GAS2: variants seen among roughly 807,000 people sequenced by gnomAD.
GAS2 encodes growth arrest-specific protein 2.
A neutral mutation model predicts 37.5 loss-of-function variants in GAS2; 20 were observed. The observed-to-expected ratio is 0.53, with a 90% confidence interval of 0.37 to 0.77. GAS2 has a LOEUF of 0.77. GAS2 is among the 30% of genes least tolerant of loss of function. The pLI is 0.00. For synonymous variants in GAS2, 144 were observed against 132.2 expected (o/e 1.09, Z -0.61); for missense variants, 336 against 373.4 (o/e 0.90, Z 0.82).
intron 7 of GAS2, among the ~76,000 whole-genome samples, chr11:22,805,359 T>A (rs1856836720): frequency 6.6e-6 from 1 of 152,170 alleles, no homozygotes; most frequent in Non-Finnish European, 1.5e-5. Flanking sequence ...TAGTTATCAT[T>A]TTTGTGGCAA....
At chr11:22,733,669 T>A (rs1852598247) in intron 4 of GAS2, among the ~76,000 whole-genome samples, 1 of 151,750 alleles carries the variant, frequency 6.6e-6, no homozygotes, top group Non-Finnish European at 1.5e-5. Flanking sequence ...CATGAGATTT[T>A]TTTTAATAGA....
intron 1 of GAS2, among the ~76,000 whole-genome samples, chr11:22,637,699 TATAA>T (rs982391119): frequency 7.1e-6 from 1 of 140,976 alleles, no homozygotes; most frequent in African/African-American, 2.6e-5. Context: ...AATAATATAA[TATAA>T]ATATATAATC....
intron 7 of GAS2, among the ~76,000 whole-genome samples, chr11:22,771,643 G>A (rs1278591626): frequency 6.6e-6 from 1 of 152,130 alleles, no homozygotes; most frequent in Non-Finnish European, 1.5e-5. Context: ...AGAAAGCACA[G>A]CTTACTTAAG....
rs201623098 is a variant in GAS2 at position 22,805,093 on chromosome 11, A to AT, written c.724-6693dup. On this transcript the variant is annotated intron_variant, in intron 7 of 7. Coordinates refer to ENST00000454584, the MANE Select transcript of GAS2 (RefSeq NM_001143830.3). ...TTATGGAGATGGAGGTGAGTGTTCA[A>AT]TTTTTTTTTTTTAGATCGGTCACAT... Among the ~76,000 whole-genome samples the AT allele has an allele frequency of 6.5e-3, 961 of 146,842 alleles. 14 individuals are homozygous for AT. Among genetic ancestry groups the AT allele is most frequent in the East Asian group, 0.048 (243 of 5,062 alleles).
At position 22,723,420 on chromosome 11, in the gene GAS2, C is replaced by T. The variant is rs1051162851; in HGVS notation, c.268-2872C>T. 5.3e-5 allele frequency among the ~76,000 whole-genome samples: 8 copies of T among 151,868 alleles called. No homozygotes were observed. The South Asian group carries it at 6.2e-4, about 12-fold the overall frequency. Reference sequence around the variant, plus strand: ...AAAATAAATGCTATTTTCATTTATACGCTCAGTGGTTGTCCTTGTAATTTC... The same window carrying T: ...AAAATAAATGCTATTTTCATTTATATGCTCAGTGGTTGTCCTTGTAATTTC... On this transcript the variant is annotated intron_variant, in intron 3 of 7. Coordinates refer to ENST00000454584, the MANE Select transcript of GAS2 (RefSeq NM_001143830.3).
intron 7 of GAS2, among the ~76,000 whole-genome samples, chr11:22,810,987 GA>G (rs369877621): frequency 5.3e-5 from 8 of 152,242 alleles, no homozygotes; most frequent in African/African-American, 1.9e-4. Context: ...CAGGGTCTTT[GA>G]TGATCATGCA....
chr11:22,732,463 G>A (rs1036624860), intron 4 of GAS2, among the ~76,000 whole-genome samples: 40 of 151,756 alleles, frequency 2.6e-4, no homozygotes, highest in African/African-American at 9.2e-4. Flanking sequence ...GAGAAATGTG[G>A]ATACTCACAC....
At chr11:22,658,037 T>TC (rs1458590593) in intron 1 of GAS2, among the ~76,000 whole-genome samples, 2 of 151,560 alleles carry the variant, frequency 1.3e-5, no homozygotes, top group African/African-American at 4.8e-5. Context: ...TTTTTTTTTT[T>TC]CTTTTTTGAG....
intron 3 of GAS2, among the ~76,000 whole-genome samples, chr11:22,700,625 G>A (rs1164055542): frequency 1.3e-5 from 2 of 152,110 alleles, no homozygotes; most frequent in Non-Finnish European, 2.9e-5. Context: ...ATTATATAGT[G>A]ACATGATGTA....
intron 1 of GAS2, among the ~76,000 whole-genome samples, chr11:22,641,654 T>G (rs1848630679): frequency 6.6e-6 from 1 of 152,064 alleles, no homozygotes; most frequent in South Asian, 2.1e-4. Flanking sequence ...TACCCATACT[T>G]CTGTAAATAT....
At chr11:22,657,408 C>G (rs1160679627) in intron 1 of GAS2, among the ~76,000 whole-genome samples, 3 of 152,104 alleles carry the variant, frequency 2.0e-5, no homozygotes, top group African/African-American at 4.8e-5. Flanking sequence ...GAGGGTCTCT[C>G]CCTAGTTGTT....
At chr11:22,747,796 A>G (rs771647611) in intron 5 of GAS2, among the ~76,000 whole-genome samples, 4 of 152,260 alleles carry the variant, frequency 2.6e-5, no homozygotes, top group South Asian at 2.1e-4. Flanking sequence ...TAAATTTACT[A>G]ATTTTATAAA....
intron 7 of GAS2, among the ~76,000 whole-genome samples, chr11:22,794,336 C>T (rs1322601442): frequency 1.3e-5 from 2 of 152,040 alleles, no homozygotes; most frequent in African/African-American, 4.8e-5. Flanking sequence ...ATTTTCCCTC[C>T]CTAGTTCTCC....
At chr11:22,728,899 G>A (rs1237954793) in intron 4 of GAS2, among the ~76,000 whole-genome samples, 1 of 151,028 alleles carries the variant, frequency 6.6e-6, no homozygotes, top group Non-Finnish European at 1.5e-5. Context: ...ATTCATTGTG[G>A]GTGAGGAAGA....
At chr11:22,643,313 T>C (rs1460704740) in intron 1 of GAS2, among the ~76,000 whole-genome samples, 1 of 152,120 alleles carries the variant, frequency 6.6e-6, no homozygotes, top group Non-Finnish European at 1.5e-5. Context: ...GTCAGTTCAA[T>C]GCCCAGAATC....
rs377175952 is a variant in GAS2, at chr11:22,669,215, T to C, written c.-21+2316T>C. On this transcript the variant is annotated intron_variant, in intron 1 of 7. Coordinates refer to ENST00000454584, the MANE Select transcript of GAS2 (RefSeq NM_001143830.3). The stretch of plus-strand genomic sequence containing the variant: ...AAGAATTTTCTCAACTTAGATAAAA[T>C]TTTGATGTAAATCCTTAAATATTCT... Among the ~76,000 whole-genome samples, 29 of 152,290 alleles carry C rather than the reference T, an allele frequency of 1.9e-4. No homozygotes were observed. In the South Asian group the frequency reaches 6.0e-3, roughly 32 times the overall value.
intron 7 of GAS2, among the ~76,000 whole-genome samples, chr11:22,797,461 G>T (rs897528148): frequency 1.2e-4 from 18 of 151,994 alleles, no homozygotes; most frequent in Admixed American, 2.6e-4. Flanking sequence ...TTGGGAGATT[G>T]GTTCTCAACA....
At chr11:22,736,146 G>A (rs1421271598) in intron 4 of GAS2, among the ~76,000 whole-genome samples, 4 of 151,970 alleles carry the variant, frequency 2.6e-5, no homozygotes, top group African/African-American at 9.6e-5. Context: ...CAGCCCTTAT[G>A]TTACTTTGTG....
At chr11:22,649,334 G>T (rs1223413880) in intron 1 of GAS2, among the ~76,000 whole-genome samples, 1 of 151,906 alleles carries the variant, frequency 6.6e-6, no homozygotes, top group African/African-American at 2.4e-5. Flanking sequence ...TTTTATTGAG[G>T]ATTTTTGCAT....
Sources: gnomAD v4.1 joint callset for allele counts (sites outside exome capture counted in the v4.1 genomes callset) on GRCh38, gnomAD v4.1.1 for gene constraint, MANE v1.5 for transcripts, NCBI Gene and HGNC (gene_info 2026-07-23, HGNC 2026-07-21) for gene names.